FAT3: variants seen among roughly 807,000 people sequenced by gnomAD.
The protein encoded by FAT3 is FAT atypical cadherin 3.
Under a neutral mutation model 310.2 loss-of-function variants are expected in FAT3, and 95 were observed. The ratio of observed to expected loss-of-function variants is 0.31; its 90% CI spans 0.26 to 0.36. The LOEUF (loss-of-function observed/expected upper bound fraction) is 0.36, where lower values mean the gene tolerates loss of function less well. Ranked by LOEUF, FAT3 falls within the 10% of genes least tolerant of loss-of-function variation. The pLI, the probability that FAT3 is intolerant of heterozygous loss-of-function variation, is 1.00. For missense variants in FAT3, 5,408 were observed against 5,715.6 expected (o/e 0.95, Z 1.74); for synonymous variants, 2,314 against 2,192.9 (o/e 1.06, Z -1.54).
At chr11:92,265,903 C>T (rs950924490) in intron 1 of FAT3, among the ~76,000 whole-genome samples, 4 of 152,052 alleles carry the variant, frequency 2.6e-5, no homozygotes, top group Non-Finnish European at 5.9e-5. Flanking sequence ...TTGGGGAAGA[C>T]AAATATTCAG....
intron 2 of FAT3, among the ~76,000 whole-genome samples, chr11:92,442,160 C>T (rs1951090600): frequency 9.3e-6 from 1 of 107,788 alleles, no homozygotes; most frequent in Admixed American, 1.4e-4. Flanking sequence ...GTTGCCCAGG[C>T]TGGAGTGCAG....
Position 92,517,876 on chromosome 11 carries a change from A to G in FAT3, c.3293-6758A>G, listed in dbSNP as rs555899781. On this transcript the variant is annotated intron_variant, in intron 2 of 27. Coordinates refer to ENST00000525166, the MANE Select transcript of FAT3 (RefSeq NM_001367949.2). ...CAAACAAACATATGAAAACAAGCTC[A>G]TCATCACTGGTCATTAGAGAAATGC... Among the ~76,000 whole-genome samples the G allele has an allele frequency of 4.6e-5, 7 of 152,362 alleles. No homozygotes were observed. The South Asian group carries it at 1.2e-3, about 27-fold the overall frequency.
intron 2 of FAT3, among the ~76,000 whole-genome samples, chr11:92,491,892 T>C (rs1387061836): frequency 1.3e-5 from 2 of 152,036 alleles, no homozygotes; most frequent in African/African-American, 4.8e-5. Flanking sequence ...CCTATAAGGA[T>C]TGAACCACAG....
intron 1 of FAT3, among the ~76,000 whole-genome samples, chr11:92,225,688 C>T (rs936938224): frequency 4.6e-5 from 7 of 151,970 alleles, no homozygotes; most frequent in African/African-American, 1.7e-4. Flanking sequence ...GGGAGCCCAG[C>T]CTCCACTTTC....
In FAT3 at chr11:92,497,963, TTTG is replaced by T. The variant is rs1182342349; in HGVS notation, c.3293-26665_3293-26663del. ...GACTCAACAGATATTTATGATAGTC[TTTG>T]TTGTTCCAAATTCACATGCTGAGGC... On this transcript the variant is annotated intron_variant, in intron 2 of 27. Transcript: ENST00000525166. Among the ~76,000 whole-genome samples, 4 of 152,170 alleles carry T rather than the reference TTTG, an allele frequency of 2.6e-5. No homozygotes were observed. In the East Asian group the frequency reaches 7.8e-4, roughly 30 times the overall value.
At chr11:92,771,579 A>C (rs549050488) in intron 6 of FAT3, among the ~76,000 whole-genome samples, 27 of 152,098 alleles carry the variant, frequency 1.8e-4, no homozygotes, top group Non-Finnish European at 3.7e-4. Context: ...CGAGGCTGCT[A>C]GCTATATTGG....
At chr11:92,719,720 C>CTGTGTG (rs751825746) in intron 4 of FAT3, among the ~76,000 whole-genome samples, 2,841 of 136,786 alleles carry the variant, frequency 0.021, 45 homozygotes, top group South Asian at 0.055. Context: ...AGAACCAACT[C>CTGTGTG]TGTGTGTGTG....
chr11:92,367,608 A>G (rs931191523), intron 2 of FAT3, among the ~76,000 whole-genome samples: 4 of 152,112 alleles, frequency 2.6e-5, no homozygotes, highest in South Asian at 2.1e-4. Flanking sequence ...TCCAGCTTGG[A>G]TGACAGAGTG....
intron 4 of FAT3, among the ~76,000 whole-genome samples, chr11:92,698,566 C>T (rs1944007608): frequency 6.6e-6 from 1 of 152,012 alleles, no homozygotes; most frequent in Non-Finnish European, 1.5e-5. Flanking sequence ...TTTTAAAACT[C>T]TTAAAGCATT....
intron 4 of FAT3, among the ~76,000 whole-genome samples, chr11:92,752,905 A>G (rs1945867230): frequency 6.6e-6 from 1 of 152,252 alleles, no homozygotes; most frequent in African/African-American, 2.4e-5. Flanking sequence ...TGAAAGATGT[A>G]AACAATATAA....
intron 3 of FAT3, among the ~76,000 whole-genome samples, chr11:92,608,408 T>A (rs1398017901): frequency 6.6e-6 from 1 of 152,170 alleles, no homozygotes; most frequent in African/African-American, 2.4e-5. Flanking sequence ...TTCAACCTTG[T>A]GTTCATGCTT....
intron 13 of FAT3, among the ~76,000 whole-genome samples, chr11:92,815,287 C>T (rs1452403935): frequency 6.6e-6 from 1 of 151,938 alleles, no homozygotes; most frequent in East Asian, 1.9e-4. Context: ...AAATAAGGAG[C>T]TGGTGGGCTG....
At chr11:92,880,695 G>A (rs753040928) in intron 22 of FAT3, 36 bp from the exon 23 acceptor site, 3 of 1,598,668 alleles carry the variant, frequency 1.9e-6, no homozygotes, top group Admixed American at 1.7e-5. Flanking sequence ...CCCTAGCAGT[G>A]GCATCCATGG....
chr11:92,750,204 GA>G (rs1160473956), intron 4 of FAT3, among the ~76,000 whole-genome samples: 4 of 152,142 alleles, frequency 2.6e-5, no homozygotes, highest in African/African-American at 4.8e-5. Context: ...TTGATAATGA[GA>G]GGGGGAGGGA....
chr11:92,668,390 A>G (rs1050939250), intron 3 of FAT3, among the ~76,000 whole-genome samples: 6 of 152,212 alleles, frequency 3.9e-5, no homozygotes, highest in African/African-American at 1.4e-4. Flanking sequence ...GATTCAGGAT[A>G]GGATATCAGA....
chr11:92,353,555 G>A lies in FAT3; in HGVS notation c.1443G>A (p.Val481=), dbSNP rs1477774183. ...EFQQPLYDAY[V]NESVPVGTSV... ...AGCAACCACTGTATGATGCTTATGT[G>A]AATGAAAGTGTCCCAGTGGGAACCA... Residue 481 remains valine (V), a synonymous_variant, in exon 2 of 28, where the codon GTG becomes GTA. Coordinates refer to ENST00000525166, the MANE Select transcript of FAT3 (RefSeq NM_001367949.2). The A allele has an allele frequency of 3.7e-6, 6 of 1,613,612 alleles. No homozygotes were observed. The highest frequency in any genetic ancestry group is 5.1e-6 in the Non-Finnish European group (6 of 1,179,852).
At position 92,354,099 on chromosome 11, in the gene FAT3, G is replaced by T. The variant is rs779908498; in HGVS notation, c.1987G>T (p.Asp663Tyr). ...ITATDGENLA[D>Y]PMSINISVLH... The stretch of plus-strand genomic sequence containing the variant: ...AGCAACTGATGGAGAGAATCTTGCA[G>T]ACCCCATGTCTATTAACATTTCAGT... Residue 663 changes from aspartate (D) to tyrosine (Y), a missense_variant, in exon 2 of 28, where the codon GAC becomes TAC. Asp to Tyr is a radical substitution (Grantham distance 160, BLOSUM62 -3). This residue lies in a region of FAT3 where 4,588 missense variants were observed against 4,809.8 expected (regional missense o/e 0.95). Transcript: ENST00000525166. 6.2e-7 allele frequency: 1 copy of T among 1,613,690 alleles called. No homozygotes were observed. The highest frequency in any genetic ancestry group is 1.1e-5 in the South Asian group (1 of 91,060).
At chr11:92,709,545 A>AT (rs1256256453) in intron 4 of FAT3, among the ~76,000 whole-genome samples, 1 of 152,162 alleles carries the variant, frequency 6.6e-6, no homozygotes, top group African/African-American at 2.4e-5. Flanking sequence ...GAAGGGTCAG[A>AT]TTACTCCGCT....
At chr11:92,545,800 C>T (rs1261015859) in intron 3 of FAT3, among the ~76,000 whole-genome samples, 1 of 152,198 alleles carries the variant, frequency 6.6e-6, no homozygotes, top group East Asian at 1.9e-4. Context: ...ACAGCGTTAT[C>T]CCATATCCAG....
Sources: allele counts gnomAD v4.1 joint callset (sites outside exome capture counted in the v4.1 genomes callset), GRCh38; gene constraint gnomAD v4.1.1; regional missense constraint gnomAD v4.1.1; transcripts MANE v1.5; gene names NCBI Gene and HGNC (gene_info 2026-07-23, HGNC 2026-07-21).